ZMIZ1: variants seen among roughly 807,000 people sequenced by gnomAD.
The protein encoded by ZMIZ1 is zinc finger MIZ domain-containing protein 1.
Under a neutral mutation model 113.9 loss-of-function variants are expected in ZMIZ1, and 17 were observed. The ratio of observed to expected loss-of-function variants is 0.15; its 90% CI spans 0.10 to 0.22. The LOEUF (loss-of-function observed/expected upper bound fraction) is 0.22, where lower values mean the gene tolerates loss of function less well. ZMIZ1 is among the 10% of genes least tolerant of loss of function. The probability of loss-of-function intolerance (pLI) is 1.00; values close to 1 mark genes in which losing one functional copy is unlikely to be tolerated. For synonymous variants in ZMIZ1, 607 were observed against 603.1 expected (o/e 1.01, Z -0.09); for missense variants, 1,059 against 1,477.8 (o/e 0.72, Z 4.65).
chr10:79,276,373 G>A (rs1461125025), intron 7 of ZMIZ1, among the ~76,000 whole-genome samples: 1 of 152,182 alleles, frequency 6.6e-6, no homozygotes, highest in Admixed American at 6.5e-5. Context: ...GTGGCCACGT[G>A]GGGACAGTGA....
intron 7 of ZMIZ1, among the ~76,000 whole-genome samples, chr10:79,271,755 G>T (rs1851961686): frequency 6.6e-6 from 1 of 152,168 alleles, no homozygotes; most frequent in African/African-American, 2.4e-5. Context: ...GTTCTATAAG[G>T]AAAGAGGCAT....
intron 23 of ZMIZ1, among the ~76,000 whole-genome samples, chr10:79,310,005 G>C (rs371845447): frequency 6.6e-6 from 1 of 152,166 alleles, no homozygotes; most frequent in African/African-American, 2.4e-5. Context: ...GCTAGCAGGG[G>C]AATGTTCACA....
At chr10:79,282,649 G>A (rs1852813490) in intron 8 of ZMIZ1, among the ~76,000 whole-genome samples, 2 of 152,224 alleles carry the variant, frequency 1.3e-5, no homozygotes, top group Admixed American at 1.3e-4. Flanking sequence ...TTGACCTCTT[G>A]GCCTCGTGGT....
At chr10:79,200,380 G>A (rs1848024139) in intron 4 of ZMIZ1, among the ~76,000 whole-genome samples, 1 of 152,228 alleles carries the variant, frequency 6.6e-6, no homozygotes, top group African/African-American at 2.4e-5. Context: ...TTTGCTGTGT[G>A]GCCTCCCTGG....
At position 79,313,927 on chromosome 10, in the gene ZMIZ1, C is replaced by CCT. The variant is rs1855366298; in HGVS notation, c.*1181_*1182dup. On this transcript the variant is annotated 3_prime_UTR_variant, in exon 25 of 25. Coordinates refer to ENST00000334512, the MANE Select transcript of ZMIZ1 (RefSeq NM_020338.4). Reference sequence around the variant, plus strand: ...GGCAATGGTGTCTGTCCAGCCCCTCCCTCTGTCCCTGTGCTCCAAGCTGCC... The same window carrying CCT: ...GGCAATGGTGTCTGTCCAGCCCCTCCCTCTCTGTCCCTGTGCTCCAAGCTGCC... 2 of 409,914 alleles carry CCT rather than the reference C, an allele frequency of 4.9e-6. No homozygotes were observed. The highest frequency in any genetic ancestry group is 1.8e-5 in the South Asian group (1 of 55,728). The allele number at this position is 409,914 out of a possible 1,614,324, so 25.4% of individuals were successfully genotyped here. A position where few individuals can be genotyped will look rare whatever the true frequency, so the allele number is the denominator to read the frequency against.
At chr10:79,172,252 C>T (rs375399377) in intron 4 of ZMIZ1, among the ~76,000 whole-genome samples, 13 of 152,220 alleles carry the variant, frequency 8.5e-5, no homozygotes, top group Middle Eastern at 6.8e-3. Flanking sequence ...CGGGTGAGGA[C>T]GCCTAGGGCC....
At chr10:79,199,736 G>A (rs1353350817) in intron 4 of ZMIZ1, among the ~76,000 whole-genome samples, 4 of 152,212 alleles carry the variant, frequency 2.6e-5, no homozygotes, top group African/African-American at 7.2e-5. Context: ...GACTGGGGAC[G>A]GGGTCTGGAC....
At chr10:79,260,181 A>G (rs1047536559) in intron 7 of ZMIZ1, among the ~76,000 whole-genome samples, 4 of 152,230 alleles carry the variant, frequency 2.6e-5, no homozygotes, top group African/African-American at 9.6e-5. Flanking sequence ...GCCTTCCATC[A>G]GTGTTAATTG....
At chr10:79,291,256 C>A in intron 10 of ZMIZ1, 80 bp downstream of exon 10, 1 of 1,419,808 alleles carries the variant, frequency 7.0e-7, no homozygotes, top group South Asian at 1.4e-5. Flanking sequence ...CCACTTAAAT[C>A]CCAGCTCCAC....
At chr10:79,270,533 G>T (rs973099665) in intron 7 of ZMIZ1, among the ~76,000 whole-genome samples, 1 of 152,164 alleles carries the variant, frequency 6.6e-6, no homozygotes, top group African/African-American at 2.4e-5. Flanking sequence ...AGAATGCGCC[G>T]CCGATCATAC....
At chr10:79,189,223 A>G (rs1359715131) in intron 4 of ZMIZ1, among the ~76,000 whole-genome samples, 1 of 152,214 alleles carries the variant, frequency 6.6e-6, no homozygotes, top group Non-Finnish European at 1.5e-5. Flanking sequence ...GGCCAATGGC[A>G]TGGGACCCCT....
intron 24 of ZMIZ1, among the ~76,000 whole-genome samples, 162 bp from the exon 25 acceptor site, chr10:79,312,480 T>TA (rs1226929643): frequency 6.6e-6 from 1 of 152,206 alleles, no homozygotes; most frequent in Non-Finnish European, 1.5e-5. Flanking sequence ...TGTGTGGGGA[T>TA]ACCTGGCAGG....
In ZMIZ1 at chr10:79,122,854, G is replaced by A. The variant is rs111596331; in HGVS notation, c.-227+3830G>A. Among the ~76,000 whole-genome samples the A allele has an allele frequency of 6.2e-3, 949 of 152,234 alleles. 11 individuals are homozygous for A. Among genetic ancestry groups the A allele is most frequent in the African/African-American group, 0.021 (880 of 41,520 alleles). On this transcript the variant is annotated intron_variant, in intron 2 of 24. Coordinates refer to ENST00000334512, the MANE Select transcript of ZMIZ1 (RefSeq NM_020338.4). ...AGAATGGTACCTAGGCTCCACCCTCGGCCGCCTCATCTTGCAGCATTTGGG... is the reference window on the plus strand; with the variant it reads ...AGAATGGTACCTAGGCTCCACCCTCAGCCGCCTCATCTTGCAGCATTTGGG...
chr10:79,285,667 A>G (rs1333017710), intron 8 of ZMIZ1: 2 of 444,746 alleles, frequency 4.5e-6, no homozygotes, highest in Non-Finnish European at 9.2e-6. Context: ...TTTTTTGTTT[A>G]GCAAAGGTTT....
chr10:79,218,211 C>G (rs1035188793), intron 7 of ZMIZ1, among the ~76,000 whole-genome samples: 1 of 152,192 alleles, frequency 6.6e-6, no homozygotes, highest in African/African-American at 2.4e-5. Flanking sequence ...CAGTGGCTCA[C>G]ACCTGTAATC....
chr10:79,186,564 T>C (rs1304918349), intron 4 of ZMIZ1, among the ~76,000 whole-genome samples: 1 of 152,222 alleles, frequency 6.6e-6, no homozygotes, highest in African/African-American at 2.4e-5. Flanking sequence ...AACTAATGAA[T>C]TACAGCATGA....
chr10:79,196,070 C>T (rs953120577), intron 4 of ZMIZ1, among the ~76,000 whole-genome samples: 7 of 152,162 alleles, frequency 4.6e-5, no homozygotes, highest in African/African-American at 9.7e-5. Context: ...GCTCTCTAGG[C>T]CTTTGACCCT....
Position 79,303,301 on chromosome 10 carries a change from A to G in ZMIZ1, c.2126-714A>G, listed in dbSNP as rs534816798. On this transcript the variant is annotated intron_variant, in intron 18 of 24. Coordinates refer to ENST00000334512, the MANE Select transcript of ZMIZ1 (RefSeq NM_020338.4). Reference sequence around the variant, plus strand: ...AGAGCCTGTCTCTACAGAAAAATAAAAAATTAGCCAGGTGTGGTGGTTTGT... The same window carrying G: ...AGAGCCTGTCTCTACAGAAAAATAAGAAATTAGCCAGGTGTGGTGGTTTGT... 4.1e-4 allele frequency among the ~76,000 whole-genome samples: 62 copies of G among 152,006 alleles called. 1 individual carries two copies. Among genetic ancestry groups the G allele is most frequent in the South Asian group, 1.7e-3 (8 of 4,802 alleles).
chr10:79,122,230 G>C (rs704003), intron 2 of ZMIZ1, among the ~76,000 whole-genome samples: 60,588 of 151,870 alleles, frequency 0.4, 12,489 homozygotes, highest in East Asian at 0.58. Flanking sequence ...ATCTGCCAAT[G>C]AGCGATGGTA....
Sources: allele counts gnomAD v4.1 joint callset (sites outside exome capture counted in the v4.1 genomes callset), GRCh38; gene constraint gnomAD v4.1.1; transcripts MANE v1.5; gene names NCBI Gene and HGNC (gene_info 2026-07-23, HGNC 2026-07-21).